PSAP: variants seen among roughly 807,000 people sequenced by gnomAD.
The protein encoded by PSAP is precursor of saposins.
PSAP carries 25 observed loss-of-function variants against 66.0 expected under a neutral mutation model. The ratio of observed to expected loss-of-function variants is 0.38; its 90% CI spans 0.28 to 0.53. PSAP has a LOEUF of 0.53. Among genes scored for constraint, PSAP ranks in the 20% least tolerant of loss-of-function variants. The pLI is 0.83. For synonymous variants in PSAP, 273 were observed against 258.9 expected (o/e 1.05, Z -0.52); for missense variants, 649 against 668.8 (o/e 0.97, Z 0.33).
intron 2 of PSAP, 54 bp downstream of exon 2, chr10:71,834,318 T>A: frequency 6.2e-7 from 1 of 1,610,314 alleles, no homozygotes; most frequent in South Asian, 1.1e-5. Context: ...ACAGCTGTTC[T>A]AAGGGGACCC....
chr10:71,821,841 C>T, intron 8 of PSAP, 35 bp downstream of exon 8: 1 of 1,613,966 alleles, frequency 6.2e-7, no homozygotes, highest in South Asian at 1.1e-5. Flanking sequence ...TGGCATTGCA[C>T]AGCCCTGACC....
chr10:71,847,568 C>T (rs4237332), intron 1 of PSAP, among the ~76,000 whole-genome samples: 84,024 of 151,474 alleles, frequency 0.55, 23,700 homozygotes, highest in Non-Finnish European at 0.6. Flanking sequence ...TGTCAGGCTT[C>T]TCCCTTTCGG....
At chr10:71,830,681 C>T (rs1035185627) in intron 4 of PSAP, among the ~76,000 whole-genome samples, 1 of 152,204 alleles carries the variant, frequency 6.6e-6, no homozygotes, top group Non-Finnish European at 1.5e-5. Flanking sequence ...TGCTAAAAAC[C>T]CAGTCTGTGA....
chr10:71,834,432 C>T lies in PSAP; in HGVS notation c.114G>A (p.Thr38=), dbSNP rs748870680. The change falls in exon 2 of 14, where the codon ACG becomes ACA. Residue 38 remains threonine (T), a synonymous_variant. Transcript: ENST00000394936. ...GSAVWCQNVK[T]ASDCGAVKHC... ...GCTTCACTGCCCCGCAGTCGGACGC[C>T]GTCTTCACATTCTGGCACCACACTG... The T allele has an allele frequency of 1.9e-6, 3 of 1,613,964 alleles. No individual in the cohort carries two copies. Among genetic ancestry groups the T allele is most frequent in the East Asian group, 2.2e-5 (1 of 44,888 alleles).
In PSAP at chr10:71,818,680, A is replaced by G. The variant is rs139178900; in HGVS notation, c.1476T>C (p.Thr492=). The part of the protein sequence containing the change: ...CPSAHKPLLG[T]EKCIWGPSYW... ...AGCTTGGGCCCCATATACACTTCTC[A>G]GTTCCCAACAAGGGCTTATGGGCCG... Residue 492 remains threonine (T), a synonymous_variant, in exon 13 of 14, where the codon ACT becomes ACC. Coordinates refer to ENST00000394936, the MANE Select transcript of PSAP (RefSeq NM_002778.4). 93 of 1,614,120 alleles carry G rather than the reference A, an allele frequency of 5.8e-5. No homozygotes were observed. In the Middle Eastern group the frequency reaches 6.6e-4, roughly 11 times the overall value.
At chr10:71,849,846 G>A (rs1020751539) in intron 1 of PSAP, among the ~76,000 whole-genome samples, 1 of 152,006 alleles carries the variant, frequency 6.6e-6, no homozygotes, top group African/African-American at 2.4e-5. Flanking sequence ...AGGACCCCAT[G>A]GCAAAATAAC....
chr10:71,846,097 A>G (rs1842817295), intron 1 of PSAP, among the ~76,000 whole-genome samples: 1 of 152,098 alleles, frequency 6.6e-6, no homozygotes, highest in African/African-American at 2.4e-5. Context: ...AGCAACAAAG[A>G]ATACTAACTA....
In PSAP at chr10:71,836,915, G is replaced by A. The variant is rs978337783; in HGVS notation, c.41-2410C>T. On this transcript the variant is annotated intron_variant, in intron 1 of 13. Coordinates refer to ENST00000394936, the MANE Select transcript of PSAP (RefSeq NM_002778.4). ...ATGACTTTGTTACTTGTTTTGGTCC[G>A]GCCAACCTGGACTGAAAATAATCTT... 2.6e-5 allele frequency among the ~76,000 whole-genome samples: 4 copies of A among 152,206 alleles called. No homozygotes were observed. In the East Asian group the frequency reaches 5.8e-4, roughly 22 times the overall value.
At chr10:71,831,032 A>G (rs1328075718) in intron 4 of PSAP, 94 bp downstream of exon 4, 18 of 1,567,584 alleles carry the variant, frequency 1.1e-5, no homozygotes, top group South Asian at 2.2e-5. Context: ...AGAGCTAAGA[A>G]CAGACTTTCC....
chr10:71,825,818 G>T lies in PSAP; in HGVS notation c.777+19C>A. On this transcript the variant is annotated intron_variant, in intron 7 of 13. Coordinates refer to ENST00000394936, the MANE Select transcript of PSAP (RefSeq NM_002778.4). ...AAAAACAAAGAAAAATGCTAACAAG[G>T]GGCCTCCGTGCCACCTACCATGTGC... The T allele has an allele frequency of 6.2e-7, 1 of 1,604,208 alleles. No individual in the cohort carries two copies. Among genetic ancestry groups the T allele is most frequent in the Non-Finnish European group, 8.5e-7 (1 of 1,171,032 alleles).
chr10:71,839,184 T>G (rs1462121271), intron 1 of PSAP, among the ~76,000 whole-genome samples: 2 of 55,836 alleles, frequency 3.6e-5, no homozygotes, highest in Non-Finnish European at 6.7e-5. Flanking sequence ...TCGGGGCAAA[T>G]TGAGCACTTC....
rs1842268847 is a variant in PSAP, at chr10:71,820,118, G to A, written c.1005+122C>T. On this transcript the variant is annotated intron_variant, in intron 9 of 13. Transcript: ENST00000394936. ...GGTGAGGATTGCCTTCCACGAGATG[G>A]GGACATGGCTGTACACATGTCAAGG... is the stretch of plus-strand genomic sequence containing the variant. The A allele has an allele frequency of 4.0e-6, 4 of 1,011,642 alleles. No homozygotes were observed. The East Asian group carries it at 9.6e-5, about 24-fold the overall frequency. 62.7% of individuals were successfully genotyped at this position (1,011,642 alleles called of 1,614,324 possible). A position where few individuals can be genotyped will look rare whatever the true frequency, so the allele number is the denominator to read the frequency against.
In PSAP at chr10:71,828,859, G is replaced by C; in HGVS notation, c.576+18C>G. ...TGCAACCAAAAATGGGTCCTCAGTGGCCAGCCCGTTGTCTTACCTTTGGCT... is the reference window on the plus strand; with the variant it reads ...TGCAACCAAAAATGGGTCCTCAGTGCCCAGCCCGTTGTCTTACCTTTGGCT... On this transcript the variant is annotated intron_variant, in intron 5 of 13. Coordinates refer to ENST00000394936, the MANE Select transcript of PSAP (RefSeq NM_002778.4). The C allele has an allele frequency of 6.2e-7, 1 of 1,613,458 alleles. No individual in the cohort carries two copies.
Position 71,821,869 on chromosome 10 carries a change from C to G in PSAP, c.909+7G>C, listed in dbSNP as rs1395757243. ...CCCTGACCAGGACACAAAGTGACAC[C>G]AGGTACCTTAATGGGCTCCACCAGT... On this transcript the variant is annotated splice_region_variant and intron_variant, in intron 8 of 13. Transcript: ENST00000394936. 4 of 1,614,132 alleles carry G rather than the reference C, an allele frequency of 2.5e-6. No individual in the cohort carries two copies. The highest frequency in any genetic ancestry group is 3.4e-6 in the Non-Finnish European group (4 of 1,180,004).
rs1310339164 is a variant in PSAP, at chr10:71,818,637, CTG to C, written c.1517_1518del (p.Thr506ArgfsTer43). On this transcript the variant is annotated frameshift_variant, in exon 13 of 14. Transcript: ENST00000394936. LOFTEE classifies it high-confidence loss of function. ...CTCACATTGCACTGGGCTGCTGTCT[CTG>C]TGTTCTGGCACCAGTAGCTTGGGCC... is the stretch of plus-strand genomic sequence containing the variant. Reference protein sequence around the residue: ...IWGPSYWCQNTETAAQCNAVE... With the variant: ...IWGPSYWCQNXETAAQCNAVE... 5 of 1,613,826 alleles carry C rather than the reference CTG, an allele frequency of 3.1e-6. No individual in the cohort carries two copies. The highest frequency in any genetic ancestry group is 4.2e-6 in the Non-Finnish European group (5 of 1,180,044).
At chr10:71,832,254 A>G (rs888490702) in intron 2 of PSAP, among the ~76,000 whole-genome samples, 4 of 152,200 alleles carry the variant, frequency 2.6e-5, no homozygotes, top group African/African-American at 9.7e-5. Context: ...GAGTCACATC[A>G]GTATGGCAGA....
intron 1 of PSAP, among the ~76,000 whole-genome samples, chr10:71,848,416 G>GTCACC (rs1364696957): frequency 1.3e-5 from 2 of 152,174 alleles, no homozygotes; most frequent in Non-Finnish European, 2.9e-5. Context: ...CCAGTAAATG[G>GTCACC]TCTATGATTT....
chr10:71,847,270 C>T (rs1842840416), intron 1 of PSAP, among the ~76,000 whole-genome samples: 1 of 152,182 alleles, frequency 6.6e-6, no homozygotes, highest in Non-Finnish European at 1.5e-5. Context: ...GCCTGGCCAA[C>T]ATGGTGAAAC....
intron 7 of PSAP, chr10:71,822,247 TCAAA>T (rs1327420704): frequency 1.2e-5 from 7 of 563,492 alleles, no homozygotes; most frequent in Non-Finnish European, 2.2e-5. Flanking sequence ...CTAAGGAACA[TCAAA>T]CAGAGTCTCC....
Sources: allele counts gnomAD v4.1 joint callset (sites outside exome capture counted in the v4.1 genomes callset), GRCh38; gene constraint gnomAD v4.1.1; transcripts MANE v1.5; gene names NCBI Gene and HGNC (gene_info 2026-07-23, HGNC 2026-07-21).